Variants in GLP1R observed in about 807,000 individuals in gnomAD.
The protein encoded by GLP1R is glucagon-like peptide 1 receptor.
Under a neutral mutation model 68.4 loss-of-function variants are expected in GLP1R, and 32 were observed. That is an observed-to-expected ratio of 0.47 (90% CI 0.35 to 0.63). The LOEUF (loss-of-function observed/expected upper bound fraction) is 0.63. Among genes scored for constraint, GLP1R ranks in the 20% least tolerant of loss-of-function variants. The pLI is 0.00. For synonymous variants in GLP1R, 263 were observed against 244.4 expected (o/e 1.08, Z -0.71); for missense variants, 502 against 594.9 (o/e 0.84, Z 1.62).
chr6:39,078,403 G>T, intron 8 of GLP1R, 21 bp downstream of exon 8: 1 of 1,578,364 alleles, frequency 6.3e-7, no homozygotes, highest in Non-Finnish European at 8.7e-7. Context: ...TGCTCCAAGG[G>T]GGCGGGTGTG....
In GLP1R at chr6:39,057,455, G is replaced by C; in HGVS notation, c.176-17G>C. On this transcript the variant is annotated splice_polypyrimidine_tract_variant and intron_variant, in intron 2 of 12. Coordinates refer to ENST00000373256, the MANE Select transcript of GLP1R (RefSeq NM_002062.5). ...AGTCACAAGCAGGGACTCAGAGACT[G>C]TTCTTTCTGCTCCCAGACTTGTTCT... The C allele has an allele frequency of 1.3e-6, 2 of 1,553,680 alleles. No individual in the cohort carries two copies. The highest frequency in any genetic ancestry group is 1.8e-6 in the Non-Finnish European group (2 of 1,125,614).
rs1235863894 is a variant in GLP1R, at chr6:39,048,851, C to A, written c.11C>A (p.Ala4Asp). 4.7e-6 allele frequency: 7 copies of A among 1,475,122 alleles called. No individual in the cohort carries two copies. The highest frequency in any genetic ancestry group is 2.0e-5 in the Admixed American group (1 of 49,900). The allele number at this position is 1,475,122 out of a possible 1,614,324, so 91.4% of individuals were successfully genotyped here. ...CCTGAACTCCCCGCCATGGCCGGCG[C>A]CCCCGGCCCGCTGCGCCTTGCGCTG... The part of the protein sequence containing the change: MAG[A>D]PGPLRLALLL... The change falls in exon 1 of 13, where the codon GCC becomes GAC. Residue 4 changes from alanine (A) to aspartate (D), a missense_variant. Physicochemically the swap from Ala to Asp is moderately radical, Grantham distance 126. Coordinates refer to ENST00000373256, the MANE Select transcript of GLP1R (RefSeq NM_002062.5).
In GLP1R at chr6:39,079,021, A is replaced by G; in HGVS notation, c.949A>G (p.Ile317Val). 6.2e-7 allele frequency: 1 copy of G among 1,613,902 alleles called. No individual in the cohort carries two copies. The highest frequency in any genetic ancestry group is 8.5e-7 in the Non-Finnish European group (1 of 1,179,824). ...LIIRLPILFAIGVNFLIFVRV... is the reference protein window; with the variant it reads ...LIIRLPILFAVGVNFLIFVRV... ...TATCCGGCTGCCCATTCTCTTTGCC[A>G]TTGGGGTGAGTGATGGTGTCAGGGA... The change falls in exon 9 of 13, where the codon ATT (isoleucine) becomes GTT (valine). Residue 317 changes from isoleucine to valine, a missense_variant. Coordinates refer to ENST00000373256, the MANE Select transcript of GLP1R (RefSeq NM_002062.5). This position sits in a 1 kb window ranked among gnomAD's most constrained non-coding sequence, Gnocchi z 4.5.
rs201160589 is a variant in GLP1R, at chr6:39,057,623, G to T, written c.283+44G>T. On this transcript the variant is annotated intron_variant, in intron 3 of 12. Coordinates refer to ENST00000373256, the MANE Select transcript of GLP1R (RefSeq NM_002062.5). ...CTGGTACCTGCCCTGGGCCAGCAGT[G>T]GTGAACCCCCTCCCCGACCTGGTAT... is the stretch of plus-strand genomic sequence containing the variant. 208 of 1,170,290 alleles carry T rather than the reference G, an allele frequency of 1.8e-4. 1 individual carries two copies. In the East Asian group the frequency reaches 5.2e-3, roughly 29 times the overall value. 72.5% of individuals were successfully genotyped at this position (1,170,290 alleles called of 1,614,324 possible).
At position 39,075,947 on chromosome 6, in the gene GLP1R, T is replaced by C. The variant is rs149631682; in HGVS notation, c.823+2178T>C. ...GTGTGTGTCTTAATTTGAGCTTTTT[T>C]CTCCAACCTGTCTTGCTCGTTTTCT... On this transcript the variant is annotated intron_variant, in intron 7 of 12. Transcript: ENST00000373256. Among the ~76,000 whole-genome samples, 1,264 of 152,304 alleles carry C rather than the reference T, an allele frequency of 8.3e-3. 26 individuals carry two copies. Among genetic ancestry groups the C allele is most frequent in the African/African-American group, 0.029 (1,189 of 41,572 alleles).
intron 5 of GLP1R, among the ~76,000 whole-genome samples, chr6:39,066,893 G>T (rs1386907479): frequency 6.6e-6 from 1 of 152,184 alleles, no homozygotes; most frequent in Admixed American, 6.5e-5. Context: ...ACACCAGGCA[G>T]CAAGAGCAGG....
At chr6:39,060,526 G>A (rs1034056823) in intron 3 of GLP1R, among the ~76,000 whole-genome samples, 2 of 152,200 alleles carry the variant, frequency 1.3e-5, no homozygotes, top group Non-Finnish European at 2.9e-5. Context: ...TGACAGCTGG[G>A]CTACAATGGA....
intron 3 of GLP1R, among the ~76,000 whole-genome samples, chr6:39,059,969 C>T (rs184623794): frequency 9.5e-4 from 145 of 152,296 alleles, no homozygotes; most frequent in African/African-American, 3.3e-3. Context: ...GCACAGGCCC[C>T]CTGCCAGCCT....
At chr6:39,059,320 C>A (rs536645441) in intron 3 of GLP1R, among the ~76,000 whole-genome samples, 1 of 152,240 alleles carries the variant, frequency 6.6e-6, no homozygotes, top group Non-Finnish European at 1.5e-5. Context: ...CTCACACAGC[C>A]ATTAGTGGGC....
chr6:39,058,889 T>G (rs895672785), intron 3 of GLP1R, among the ~76,000 whole-genome samples: 1 of 152,204 alleles, frequency 6.6e-6, no homozygotes, highest in Non-Finnish European at 1.5e-5. Flanking sequence ...TCATCACACC[T>G]TGAAGGGGCT....
chr6:39,086,704 T>C lies in GLP1R; in HGVS notation c.*631T>C, dbSNP rs1250776722. The C allele has an allele frequency of 6.5e-6, 1 of 152,680 alleles. No individual in the cohort carries two copies. The highest frequency in any genetic ancestry group is 1.5e-5 in the Non-Finnish European group (1 of 68,072). 9.5% of individuals were successfully genotyped at this position (152,680 alleles called of 1,614,324 possible). ...CACTGCCAGCAGCTGTTTCTGGAAATGGCTGTAGGTGGTGTTGAGAAAGAA... is the reference window on the plus strand; with the variant it reads ...CACTGCCAGCAGCTGTTTCTGGAAACGGCTGTAGGTGGTGTTGAGAAAGAA... On this transcript the variant is annotated 3_prime_UTR_variant, in exon 13 of 13. Coordinates refer to ENST00000373256, the MANE Select transcript of GLP1R (RefSeq NM_002062.5). This position sits in a 1 kb window ranked among gnomAD's most constrained non-coding sequence, Gnocchi z 4.5.
intron 5 of GLP1R, among the ~76,000 whole-genome samples, chr6:39,070,821 GGAT>G (rs1447242362): frequency 6.6e-6 from 1 of 150,918 alleles, no homozygotes; most frequent in Non-Finnish European, 1.5e-5. Context: ...TATATATTCT[GGAT>G]ACTTATCCAG....
intron 5 of GLP1R, among the ~76,000 whole-genome samples, chr6:39,070,581 A>C (rs964479024): frequency 1.3e-5 from 2 of 152,256 alleles, no homozygotes; most frequent in Non-Finnish European, 2.9e-5. Context: ...CAGTAATAAA[A>C]GAGAGCTTCC....
chr6:39,063,959 A>G, intron 3 of GLP1R, among the ~76,000 whole-genome samples: 1 of 122,340 alleles, frequency 8.2e-6, no homozygotes, highest in East Asian at 2.6e-4. Flanking sequence ...ACACACACAC[A>G]CACCCCACAT....
chr6:39,056,380 AT>A lies in GLP1R; in HGVS notation c.79-16del. 1 of 1,436,332 alleles carries A rather than the reference AT, an allele frequency of 7.0e-7. No individual in the cohort carries two copies. Among genetic ancestry groups the A allele is most frequent in the Non-Finnish European group, 9.8e-7 (1 of 1,019,432 alleles). The allele number at this position is 1,436,332 out of a possible 1,614,324, so 89.0% of individuals were successfully genotyped here. ...CTGGCTGAACCCACAGGCCTCCCAT[AT>A]ATGCCCTCCCCCCAGGGTGCCACTG... On this transcript the variant is annotated splice_polypyrimidine_tract_variant and intron_variant, in intron 1 of 12. Transcript: ENST00000373256.
Position 39,079,560 on chromosome 6 carries a change from T to TCA in GLP1R, c.1044-3_1044-2dup. Reference sequence around the variant, plus strand: ...TGACTCGAGATCTCTGCCCTGCCCCTCAGACTTGCCAAGTCCACGCTGACA... The same window carrying TCA: ...TGACTCGAGATCTCTGCCCTGCCCCTCACAGACTTGCCAAGTCCACGCTGACA... On this transcript the variant is annotated splice_polypyrimidine_tract_variant and splice_region_variant and intron_variant, in intron 10 of 12. Coordinates refer to ENST00000373256, the MANE Select transcript of GLP1R (RefSeq NM_002062.5). This position sits in a 1 kb window ranked among gnomAD's most constrained non-coding sequence, Gnocchi z 4.5. The TCA allele has an allele frequency of 1.9e-6, 3 of 1,588,696 alleles. No individual in the cohort carries two copies. Among genetic ancestry groups the TCA allele is most frequent in the Non-Finnish European group, 1.7e-6 (2 of 1,169,664 alleles).
chr6:39,054,774 C>T (rs1375379882), intron 1 of GLP1R, among the ~76,000 whole-genome samples: 2 of 152,190 alleles, frequency 1.3e-5, no homozygotes, highest in African/African-American at 4.8e-5. Context: ...GCCCTCCACC[C>T]CCAGCAGCTG....
At position 39,079,233 on chromosome 6, in the gene GLP1R, C is replaced by A. The variant is rs1768923874; in HGVS notation, c.1043+33C>A. ...AACTGAGCTGGCTTTACTGAGGACC[C>A]TCAGCAAGTGCCCCTTTCCTTCTAG... is the stretch of plus-strand genomic sequence containing the variant. On this transcript the variant is annotated intron_variant, in intron 10 of 12. Coordinates refer to ENST00000373256, the MANE Select transcript of GLP1R (RefSeq NM_002062.5). The surrounding 1 kb of genome is among the most constrained non-coding windows in gnomAD (Gnocchi z 4.5). The A allele has an allele frequency of 7.0e-7, 1 of 1,423,100 alleles. No homozygotes were observed. Among genetic ancestry groups the A allele is most frequent in the South Asian group, 1.1e-5 (1 of 87,256 alleles). The allele number at this position is 1,423,100 out of a possible 1,614,324, so 88.2% of individuals were successfully genotyped here. A position where few individuals can be genotyped will look rare whatever the true frequency, so the allele number is the denominator to read the frequency against.
At chr6:39,056,166 G>A (rs958995235) in intron 1 of GLP1R, among the ~76,000 whole-genome samples, 29 of 152,280 alleles carry the variant, frequency 1.9e-4, no homozygotes, top group Middle Eastern at 3.4e-3. Flanking sequence ...CTGGGTGCTC[G>A]TGACACATCA....
Sources: allele counts gnomAD v4.1 joint callset (sites outside exome capture counted in the v4.1 genomes callset), GRCh38; gene constraint gnomAD v4.1.1; non-coding constraint Gnocchi (gnomAD v3.1); transcripts MANE v1.5; gene names NCBI Gene and HGNC (gene_info 2026-07-23, HGNC 2026-07-21).